DLC1: variants seen among roughly 807,000 people sequenced by gnomAD.
DLC1 encodes rho GTPase-activating protein 7.
A neutral mutation model predicts 140.3 loss-of-function variants in DLC1; 54 were observed. That is an observed-to-expected ratio of 0.38 (90% CI 0.31 to 0.48). The LOEUF (loss-of-function observed/expected upper bound fraction) is 0.48, where lower values mean the gene tolerates loss of function less well. Ranked by LOEUF, DLC1 falls within the 20% of genes least tolerant of loss-of-function variation. The pLI is 0.96. For synonymous variants in DLC1, 986 were observed against 728.1 expected, an observed-to-expected ratio of 1.35 and a Z score of -5.70; for missense variants, 2,536 against 1,907.0, an observed-to-expected ratio of 1.33 and a Z score of -6.14.
At chr8:13,567,510 G>C in intron 1 of DLC1, 1 of 1,552,002 alleles carries the variant, frequency 6.4e-7, no homozygotes, top group Non-Finnish European at 8.7e-7. Flanking sequence ...ATGAACTTTT[G>C]AACAGAATCT....
At position 13,230,391 on chromosome 8, in the gene DLC1, G is replaced by A. The variant is rs909264422; in HGVS notation, c.1348+74878C>T. Among the ~76,000 whole-genome samples, 12 of 152,206 alleles carry A rather than the reference G, an allele frequency of 7.9e-5. No individual in the cohort carries two copies. The East Asian group carries it at 1.9e-3, about 25-fold the overall frequency. On this transcript the variant is annotated intron_variant, in intron 5 of 17. Transcript: ENST00000276297. ...TACACCTTTTCCCTCAAAAGTCAGA[G>A]TATGTTTGTTTCATGATATTGTTAA... is the stretch of plus-strand genomic sequence containing the variant.
chr8:13,441,606 A>G (rs963528983), intron 2 of DLC1, among the ~76,000 whole-genome samples: 3 of 152,168 alleles, frequency 2.0e-5, no homozygotes, highest in Non-Finnish European at 4.4e-5. Context: ...ACTCCCATTC[A>G]CAATTGCTTC....
At chr8:13,501,137 G>A (rs1563402959) in intron 1 of DLC1, among the ~76,000 whole-genome samples, 1 of 151,978 alleles carries the variant, frequency 6.6e-6, no homozygotes, top group Non-Finnish European at 1.5e-5. Context: ...AAGACAATTG[G>A]GACTATTCTT....
In DLC1 at chr8:13,276,444, G is replaced by T. The variant is rs1831170118; in HGVS notation, c.1348+28825C>A. ...AGCGCAGCCCGGGCGCCGCGACCAT[G>T]CCTCGGTACTCCGCCCCGCGCTGTG... On this transcript the variant is annotated intron_variant, in intron 5 of 17. Transcript: ENST00000276297. 5.7e-6 allele frequency: 8 copies of T among 1,414,370 alleles called. No individual in the cohort carries two copies. The African/African-American group carries it at 8.9e-5, about 16-fold the overall frequency. The allele number at this position is 1,414,370 out of a possible 1,614,324, so 87.6% of individuals were successfully genotyped here. A position where few individuals can be genotyped will look rare whatever the true frequency, so the allele number is the denominator to read the frequency against.
intron 1 of DLC1, among the ~76,000 whole-genome samples, chr8:13,565,647 T>C (rs1804402005): frequency 6.6e-6 from 1 of 152,168 alleles, no homozygotes; most frequent in African/African-American, 2.4e-5. Flanking sequence ...TTGGGGAATA[T>C]ATCTGGCTAG....
At chr8:13,149,712 C>T (rs1823674373) in intron 5 of DLC1, among the ~76,000 whole-genome samples, 1 of 152,178 alleles carries the variant, frequency 6.6e-6, no homozygotes, top group East Asian at 1.9e-4. Context: ...CTTGGCCAGC[C>T]TTAGGAGCAG....
intron 2 of DLC1, among the ~76,000 whole-genome samples, chr8:13,482,776 T>G (rs1800794593): frequency 6.6e-6 from 1 of 152,220 alleles, no homozygotes; most frequent in Admixed American, 6.5e-5. Flanking sequence ...AGTGCCGTGC[T>G]TGTCTTCACT....
intron 5 of DLC1, chr8:13,132,860 G>T: frequency 6.7e-7 from 1 of 1,490,272 alleles, no homozygotes; most frequent in Non-Finnish European, 9.2e-7. Flanking sequence ...ACTTGACAAG[G>T]CGGGGTGACA....
At chr8:13,519,274 C>T (rs555759061), upstream of DLC1, among the ~76,000 whole-genome samples, 1 of 152,010 alleles carries the variant, frequency 6.6e-6, no homozygotes, top group East Asian at 1.9e-4. Context: ...ACTACTGGCA[C>T]CCGCCACCAT....
At chr8:13,437,842 T>G (rs1471732365) in intron 2 of DLC1, among the ~76,000 whole-genome samples, 2 of 152,008 alleles carry the variant, frequency 1.3e-5, no homozygotes, top group Non-Finnish European at 2.9e-5. Context: ...CTGCTTGAGA[T>G]CTCTAAAGGC....
Position 13,226,412 on chromosome 8 carries a change from T to A in DLC1, c.1348+78857A>T, listed in dbSNP as rs55906710. Among the ~76,000 whole-genome samples, 170 of 152,372 alleles carry A rather than the reference T, an allele frequency of 1.1e-3. 1 individual carries two copies. Among genetic ancestry groups the A allele is most frequent in the African/African-American group, 3.6e-3 (150 of 41,578 alleles). On this transcript the variant is annotated intron_variant, in intron 5 of 17. Transcript: ENST00000276297. ...AACCACATAGCATTTTACAGAGATCTATCCTATTGCTTCATTTAACATTAA... is the reference window on the plus strand; with the variant it reads ...AACCACATAGCATTTTACAGAGATCAATCCTATTGCTTCATTTAACATTAA...
rs564334328 is a variant in DLC1 at position 13,100,471 on chromosome 8, G to T, written c.1866C>A (p.Ile622=). ...DAATPRTNSV[I]SVCSSSNLAG... ...CCAAGTTGCTGGAGGAGCAAACGCT[G>T]ATGACGGAGTTAGTCCGGGGGGTGG... The change falls in exon 9 of 18, where the codon ATC becomes ATA. Residue 622 remains isoleucine (I), a synonymous_variant. Coordinates refer to ENST00000276297, the MANE Select transcript of DLC1 (RefSeq NM_182643.3). 3.1e-6 allele frequency: 5 copies of T among 1,613,416 alleles called. No individual in the cohort carries two copies. The African/African-American group carries it at 6.7e-5, about 21-fold the overall frequency.
At chr8:13,517,918 T>C (rs1325007261), upstream of DLC1, among the ~76,000 whole-genome samples, 1 of 152,176 alleles carries the variant, frequency 6.6e-6, no homozygotes, top group African/African-American at 2.4e-5. Context: ...CCACTTAAAT[T>C]ATTGCCTTTT....
intron 5 of DLC1, among the ~76,000 whole-genome samples, chr8:13,153,811 A>G (rs1294428829): frequency 2.0e-5 from 3 of 152,138 alleles, no homozygotes; most frequent in Non-Finnish European, 4.4e-5. Context: ...TGAGCTACAC[A>G]GAGTGCTGAT....
At chr8:13,216,578 G>A (rs1828210162) in intron 5 of DLC1, among the ~76,000 whole-genome samples, 1 of 151,990 alleles carries the variant, frequency 6.6e-6, no homozygotes. Flanking sequence ...TCTGCCTAAG[G>A]GTCCTTTCCT....
chr8:13,207,288 A>T (rs143916745), intron 5 of DLC1, among the ~76,000 whole-genome samples: 186 of 152,286 alleles, frequency 1.2e-3, no homozygotes, highest in Non-Finnish European at 2.5e-3. Flanking sequence ...ATATATATTT[A>T]CTAGTAAAAT....
At chr8:13,412,381 T>C (rs1288179763) in intron 2 of DLC1, among the ~76,000 whole-genome samples, 3 of 152,216 alleles carry the variant, frequency 2.0e-5, no homozygotes, top group Non-Finnish European at 4.4e-5. Context: ...TTCTTCAACC[T>C]GGTAATTTAA....
At chr8:13,408,934 T>C (rs1837675805) in intron 2 of DLC1, among the ~76,000 whole-genome samples, 1 of 152,212 alleles carries the variant, frequency 6.6e-6, no homozygotes, top group Non-Finnish European at 1.5e-5. Flanking sequence ...AGGAATATTA[T>C]GATGATCCTT....
intron 5 of DLC1, among the ~76,000 whole-genome samples, chr8:13,162,730 G>A (rs6531028): frequency 0.51 from 77,472 of 151,880 alleles, 21,265 homozygotes; most frequent in East Asian, 0.83. Context: ...ACTTGAGGCC[G>A]GGAGTTGGAA....
Sources: allele counts gnomAD v4.1 joint callset (sites outside exome capture counted in the v4.1 genomes callset), GRCh38; gene constraint gnomAD v4.1.1; transcripts MANE v1.5; gene names NCBI Gene and HGNC (gene_info 2026-07-23, HGNC 2026-07-21).